Variants in ITSN2 observed in about 807,000 individuals in gnomAD.
ITSN2 encodes the protein intersectin-2.
Under a neutral mutation model 243.7 loss-of-function variants are expected in ITSN2, and 156 were observed. The ratio of observed to expected loss-of-function variants is 0.64; its 90% CI spans 0.56 to 0.73. The LOEUF (loss-of-function observed/expected upper bound fraction) is 0.73, where lower values mean the gene tolerates loss of function less well. Among genes scored for constraint, ITSN2 ranks in the 30% least tolerant of loss-of-function variants. The probability of loss-of-function intolerance (pLI) is 0.00; values close to 1 mark genes in which losing one functional copy is unlikely to be tolerated. For missense variants in ITSN2, 1,801 were observed against 1,996.1 expected (o/e 0.90, Z 1.86); for synonymous variants, 703 against 699.9 (o/e 1.00, Z -0.07).
chr2:24,334,859 C>G (rs191018498), intron 1 of ITSN2: 20 of 577,858 alleles, frequency 3.5e-5, no homozygotes, highest in African/African-American at 3.4e-4. Context: ...GTCAGGAGAT[C>G]GAGACCATCC....
At chr2:24,296,729 G>A (rs1209049910) in intron 13 of ITSN2, among the ~76,000 whole-genome samples, 3 of 152,192 alleles carry the variant, frequency 2.0e-5, no homozygotes, top group Non-Finnish European at 1.5e-5. Context: ...CTAGCCTATC[G>A]TATTTTGTTA....
Position 24,216,069 on chromosome 2 carries a change from C to T in ITSN2, c.3970G>A (p.Asp1324Asn), listed in dbSNP as rs1262494630. The T allele has an allele frequency of 1.9e-6, 3 of 1,598,152 alleles. No individual in the cohort carries two copies. The highest frequency in any genetic ancestry group is 2.6e-6 in the Non-Finnish European group (3 of 1,172,314). Residue 1324 changes from aspartate (D) to asparagine (N), a missense_variant, in exon 32 of 40, where the codon GAT (aspartate) becomes AAT (asparagine). By Grantham distance (23) the Asp-to-Asn change is conservative. Coordinates refer to ENST00000355123, the MANE Select transcript of ITSN2 (RefSeq NM_006277.3). ...LLQQKTDEDT[D>N]FKEFLKKLAS... is the part of the protein sequence containing the mutation. ...ATTACCTTTAAAAATTCTTTGAAAT[C>T]TGTGTCTTCATCTGTCTTCTGCTGT...
At chr2:24,264,164 G>A (rs1192780448) in intron 20 of ITSN2, among the ~76,000 whole-genome samples, 1 of 152,078 alleles carries the variant, frequency 6.6e-6, no homozygotes, top group East Asian at 1.9e-4. Context: ...GGCCGAGGGG[G>A]GCAGATCACC....
chr2:24,207,244 G>A (rs1291588837), intron 37 of ITSN2, among the ~76,000 whole-genome samples: 1 of 152,172 alleles, frequency 6.6e-6, no homozygotes, highest in African/African-American at 2.4e-5. Flanking sequence ...TGGGAGATCG[G>A]GGGCCTGTGA....
intron 1 of ITSN2, among the ~76,000 whole-genome samples, chr2:24,351,384 A>C (rs1688007204): frequency 6.6e-6 from 1 of 152,242 alleles, no homozygotes; most frequent in Admixed American, 6.5e-5. Context: ...TTCTTTAATA[A>C]GCACAGGTTA....
chr2:24,258,189 C>A (rs748185833), intron 22 of ITSN2, 96 bp from the exon 23 acceptor site: 1 of 863,352 alleles, frequency 1.2e-6, no homozygotes, highest in Non-Finnish European at 1.9e-6. Context: ...AAACAGCAGA[C>A]CAGTTTTGTG....
At chr2:24,220,417 T>C in intron 30 of ITSN2, 2 of 985,740 alleles carry the variant, frequency 2.0e-6, no homozygotes, top group Non-Finnish European at 2.4e-6. Flanking sequence ...AGGTCACTGG[T>C]ATAAACAAAC....
At chr2:24,289,961 T>C (rs776783745) in intron 15 of ITSN2, among the ~76,000 whole-genome samples, 3 of 152,206 alleles carry the variant, frequency 2.0e-5, no homozygotes, top group African/African-American at 7.2e-5. Flanking sequence ...TTTTCATAAA[T>C]GGCCTTTATT....
chr2:24,260,709 G>A (rs1574054312), intron 22 of ITSN2, among the ~76,000 whole-genome samples: 1 of 151,822 alleles, frequency 6.6e-6, no homozygotes. Context: ...GGAGTTCGAG[G>A]CCAGCCTGGC....
At chr2:24,326,989 A>T (rs1685223638) in intron 2 of ITSN2, among the ~76,000 whole-genome samples, 1 of 152,100 alleles carries the variant, frequency 6.6e-6, no homozygotes, top group Non-Finnish European at 1.5e-5. Context: ...CTTTTTTTAA[A>T]TGCTCTTTAA....
intron 7 of ITSN2, among the ~76,000 whole-genome samples, chr2:24,309,293 A>T (rs1035386771): frequency 2.6e-5 from 4 of 152,152 alleles, no homozygotes; most frequent in Non-Finnish European, 5.9e-5. Flanking sequence ...CCCGGGTTCA[A>T]GCAATTCTCC....
rs776472885 is a variant in ITSN2, at chr2:24,312,264, A to C, written c.300T>G (p.Pro100=). Residue 100 remains proline (P), a synonymous_variant, in exon 5 of 40, where the codon CCT becomes CCG. Transcript: ENST00000355123. ...ACATAGGGGGTTGCTTCATAATAGG[A>C]GGGAGAACCACAGGCAACTGTTGGC... ...LQGQQLPVVL[P]PIMKQPPMFS... is the part of the protein sequence containing the mutation. 6.2e-7 allele frequency: 1 copy of C among 1,613,692 alleles called. No homozygotes were observed. Among genetic ancestry groups the C allele is most frequent in the South Asian group, 1.1e-5 (1 of 91,004 alleles).
At chr2:24,301,437 T>C (rs545656754) in intron 10 of ITSN2, among the ~76,000 whole-genome samples, 198 bp from the exon 11 acceptor site, 1 of 152,306 alleles carries the variant, frequency 6.6e-6, no homozygotes, top group Admixed American at 6.5e-5. Flanking sequence ...AAATCACAGT[T>C]CAGCTAATTT....
chr2:24,345,240 C>T (rs943562645), intron 1 of ITSN2, among the ~76,000 whole-genome samples: 1 of 152,044 alleles, frequency 6.6e-6, no homozygotes, highest in Non-Finnish European at 1.5e-5. Flanking sequence ...GCTCAGATTT[C>T]CCCCATTTCA....
chr2:24,331,576 C>T (rs1685787007), intron 1 of ITSN2, among the ~76,000 whole-genome samples: 1 of 152,176 alleles, frequency 6.6e-6, no homozygotes, highest in Admixed American at 6.5e-5. Flanking sequence ...GCCACCTTGG[C>T]ACAAAAGCCT....
At chr2:24,236,345 G>C (rs1451120767) in intron 29 of ITSN2, among the ~76,000 whole-genome samples, 1 of 152,054 alleles carries the variant, frequency 6.6e-6, no homozygotes, top group African/African-American at 2.4e-5. Context: ...AAGGCTGGAG[G>C]GGGGCTTAGG....
intron 2 of ITSN2, among the ~76,000 whole-genome samples, chr2:24,323,485 ATAT>A (rs1400187077): frequency 6.6e-6 from 1 of 152,232 alleles, no homozygotes; most frequent in African/African-American, 2.4e-5. Context: ...CAAAGGCTAC[ATAT>A]TGTGTATTCC....
intron 1 of ITSN2, among the ~76,000 whole-genome samples, chr2:24,344,622 A>G (rs897898980): frequency 5.9e-5 from 9 of 152,194 alleles, no homozygotes; most frequent in African/African-American, 2.2e-4. Context: ...CAAACTACAT[A>G]ATGTAATTTT....
intron 23 of ITSN2, among the ~76,000 whole-genome samples, chr2:24,256,092 T>C (rs572345556): frequency 1.5e-4 from 23 of 150,358 alleles, no homozygotes; most frequent in Non-Finnish European, 2.4e-4. Flanking sequence ...GGCATGGTGG[T>C]GGATGCCTGT....
Sources: gnomAD v4.1 joint callset for allele counts (sites outside exome capture counted in the v4.1 genomes callset) on GRCh38, gnomAD v4.1.1 for gene constraint, MANE v1.5 for transcripts, NCBI Gene and HGNC (gene_info 2026-07-23, HGNC 2026-07-21) for gene names.